The following KCTD10 variants were observed in gnomAD, a reference collection of about 807,000 sequenced individuals.
The protein encoded by KCTD10 is potassium channel tetramerization domain containing 10.
In KCTD10, 13 loss-of-function variants were observed where a neutral mutation model predicts 34.6. The ratio of observed to expected loss-of-function variants is 0.38; its 90% CI spans 0.24 to 0.60. The LOEUF (loss-of-function observed/expected upper bound fraction) is 0.60, where lower values mean the gene tolerates loss of function less well. KCTD10 is among the 20% of genes least tolerant of loss of function. The probability of loss-of-function intolerance (pLI) is 0.66; values close to 1 mark genes in which losing one functional copy is unlikely to be tolerated. For missense variants in KCTD10, 256 were observed against 420.3 expected (o/e 0.61, Z 3.42); for synonymous variants, 156 against 168.8 (o/e 0.92, Z 0.59).
At chr12:109,457,840 G>A (rs1873105034) in intron 4 of KCTD10, 152 bp downstream of exon 4, 11 of 982,046 alleles carry the variant, frequency 1.1e-5, no homozygotes, top group East Asian at 4.8e-5. Context: ...CCAATAGCAG[G>A]GGCACAAAAG....
chr12:109,453,279 T>C (rs1248351023), intron 6 of KCTD10, among the ~76,000 whole-genome samples: 2 of 152,112 alleles, frequency 1.3e-5, no homozygotes, highest in Non-Finnish European at 2.9e-5. Context: ...GGTCTTGAAC[T>C]ACTGGGCTTA....
At chr12:109,469,403 A>G in intron 2 of KCTD10, 112 bp downstream of exon 2, 2 of 1,297,886 alleles carry the variant, frequency 1.5e-6, no homozygotes, top group Non-Finnish European at 2.1e-6. Flanking sequence ...AGTCCCCAAC[A>G]AGCTGCCTCC....
chr12:109,461,092 A>G (rs1288125074), intron 2 of KCTD10, among the ~76,000 whole-genome samples: 1 of 152,182 alleles, frequency 6.6e-6, no homozygotes, highest in African/African-American at 2.4e-5. Flanking sequence ...AGTACCCTCA[A>G]ATATCCCTTA....
At chr12:109,457,837 C>G (rs1437723889) in intron 4 of KCTD10, 155 bp from the exon 5 acceptor site, 1 of 989,530 alleles carries the variant, frequency 1.0e-6, no homozygotes, top group African/African-American at 1.6e-5. Flanking sequence ...GACCCAATAG[C>G]AGGGGCACAA....
intron 6 of KCTD10, among the ~76,000 whole-genome samples, chr12:109,452,500 GATCA>G (rs1872822092): frequency 1.3e-5 from 2 of 152,344 alleles, no homozygotes; most frequent in East Asian, 3.9e-4. Flanking sequence ...CCACACATTT[GATCA>G]GACTAGACTC....
At chr12:109,459,296 A>G (rs1873191160) in intron 3 of KCTD10, 1 of 152,230 alleles carries the variant, frequency 6.6e-6, no homozygotes, top group Non-Finnish European at 1.5e-5. Flanking sequence ...CACTAAGAGG[A>G]AAGAATTAGG....
At chr12:109,470,197 C>T in intron 1 of KCTD10, 1 of 988,632 alleles carries the variant, frequency 1.0e-6, no homozygotes, top group Non-Finnish European at 1.2e-6. Context: ...TTGCCATGTA[C>T]CACTCAATAG....
At position 109,460,704 on chromosome 12, in the gene KCTD10, C is replaced by A. The variant is rs1873273681; in HGVS notation, c.319G>T (p.Glu107Ter). The change falls in exon 3 of 7, where the codon GAG becomes TAG. Residue 107 changes from glutamate to a stop codon, truncating the protein, a stop_gained. Coordinates refer to ENST00000228495, the MANE Select transcript of KCTD10 (RefSeq NM_031954.5). LOFTEE classifies it high-confidence loss of function. This position sits in a 1 kb window ranked among gnomAD's most constrained non-coding sequence, Gnocchi z 4.5. ...PLPESRREIE[E>*]LLAEAKYYLV... ...TAGTACTTGGCTTCTGCTAGCAGCTCCTCGATCTCCCGGCGGCTCTCGGGT... is the reference window on the plus strand; with the variant it reads ...TAGTACTTGGCTTCTGCTAGCAGCTACTCGATCTCCCGGCGGCTCTCGGGT... 1 of 1,614,176 alleles carries A rather than the reference C, an allele frequency of 6.2e-7. No individual in the cohort carries two copies. The highest frequency in any genetic ancestry group is 2.2e-5 in the East Asian group (1 of 44,878).
chr12:109,462,406 C>T (rs1433969660), intron 2 of KCTD10, among the ~76,000 whole-genome samples: 1 of 152,214 alleles, frequency 6.6e-6, no homozygotes, highest in Non-Finnish European at 1.5e-5. Flanking sequence ...AAATGCAATA[C>T]AAATGTATAG....
rs1872675942 is a variant in KCTD10 at position 109,449,869 on chromosome 12, C to CTCTT, written c.*1722_*1725dup. 1.4e-5 allele frequency: 2 copies of CTCTT among 146,970 alleles called. No homozygotes were observed. Among genetic ancestry groups the CTCTT allele is most frequent in the Admixed American group, 7.1e-5 (1 of 14,020 alleles). 9.1% of individuals were successfully genotyped at this position (146,970 alleles called of 1,614,324 possible). A position where few individuals can be genotyped will look rare whatever the true frequency, so the allele number is the denominator to read the frequency against. On this transcript the variant is annotated 3_prime_UTR_variant, in exon 7 of 7. Transcript: ENST00000228495. ...ATATTTACGAAACATTTTGTAAGCC[C>CTCTT]TCTTTCCTTAGCACTTAATAAAATC...
chr12:109,476,187 A>G (rs1344148547), intron 1 of KCTD10, among the ~76,000 whole-genome samples: 1 of 152,224 alleles, frequency 6.6e-6, no homozygotes, highest in African/African-American at 2.4e-5. Context: ...GCCATTTTGA[A>G]TAAGTTACCA....
intron 2 of KCTD10, among the ~76,000 whole-genome samples, chr12:109,467,539 T>C (rs992709319): frequency 1.3e-5 from 2 of 152,112 alleles, no homozygotes; most frequent in Non-Finnish European, 2.9e-5. Context: ...GGAGGATTGC[T>C]TGAACCCAGG....
chr12:109,463,581 C>G (rs1425863769), intron 2 of KCTD10, among the ~76,000 whole-genome samples: 1 of 152,168 alleles, frequency 6.6e-6, no homozygotes. Flanking sequence ...TCAGGGCAGC[C>G]TGGGATCCCA....
intron 2 of KCTD10, chr12:109,469,089 C>T (rs771968030): frequency 1.9e-5 from 4 of 212,354 alleles, no homozygotes; most frequent in East Asian, 1.2e-4. Flanking sequence ...GATGGCCCCA[C>T]GGGGGAGGGT....
rs920410147 is a variant in KCTD10 at position 109,451,240 on chromosome 12, A to C, written c.*355T>G. On this transcript the variant is annotated 3_prime_UTR_variant, in exon 7 of 7. Transcript: ENST00000228495. The surrounding 1 kb of genome is among the most constrained non-coding windows in gnomAD (Gnocchi z 5.0). ...AGGGAGTGTCACCCAAAAAGCCCAC[A>C]TAGGAAGTCGACACCCACAAAAATA... 6 of 196,278 alleles carry C rather than the reference A, an allele frequency of 3.1e-5. No homozygotes were observed. The highest frequency in any genetic ancestry group is 1.4e-4 in the African/African-American group (6 of 42,872). 12.2% of individuals were successfully genotyped at this position (196,278 alleles called of 1,614,324 possible).
intron 2 of KCTD10, among the ~76,000 whole-genome samples, chr12:109,461,060 A>G (rs1338845531): frequency 1.3e-5 from 2 of 152,206 alleles, no homozygotes; most frequent in African/African-American, 2.4e-5. Context: ...CCGACTCTTG[A>G]GGCCCAAAAG....
chr12:109,465,143 C>T (rs1181467638), intron 2 of KCTD10, among the ~76,000 whole-genome samples: 4 of 152,046 alleles, frequency 2.6e-5, no homozygotes, highest in Non-Finnish European at 5.9e-5. Flanking sequence ...TGTTCACATT[C>T]GTCACAGTGA....
At chr12:109,468,277 T>C (rs1873690482) in intron 2 of KCTD10, among the ~76,000 whole-genome samples, 2 of 152,238 alleles carry the variant, frequency 1.3e-5, no homozygotes, top group Middle Eastern at 3.4e-3. Flanking sequence ...TCCTCACCAG[T>C]GGGTAGCCCA....
chr12:109,466,898 G>A (rs1423405934), intron 2 of KCTD10, among the ~76,000 whole-genome samples: 1 of 152,240 alleles, frequency 6.6e-6, no homozygotes, highest in East Asian at 1.9e-4. Flanking sequence ...CAGGATGCAG[G>A]GAGTCTATCC....
Sources: allele counts gnomAD v4.1 joint callset (sites outside exome capture counted in the v4.1 genomes callset), GRCh38; gene constraint gnomAD v4.1.1; non-coding constraint Gnocchi (gnomAD v3.1); transcripts MANE v1.5; gene names NCBI Gene and HGNC (gene_info 2026-07-23, HGNC 2026-07-21).